The following CRYBG2 variants were observed in gnomAD, a reference collection of about 807,000 sequenced individuals.
The protein encoded by CRYBG2 is crystallin beta-gamma domain containing 2, also known as beta/gamma crystallin domain-containing protein 2.
In CRYBG2, 106 loss-of-function variants were observed where a neutral mutation model predicts 153.4. The ratio of observed to expected loss-of-function variants is 0.69; its 90% CI spans 0.59 to 0.81. The LOEUF (loss-of-function observed/expected upper bound fraction) is 0.81. Among genes scored for constraint, CRYBG2 ranks in the 30% least tolerant of loss-of-function variants. CRYBG2 has a pLI of 0.00. For missense variants in CRYBG2, 1,996 were observed against 2,112.0 expected (o/e 0.95, Z 1.08); for synonymous variants, 851 against 877.8 (o/e 0.97, Z 0.54).
chr1:26,345,009 T>C lies in CRYBG2; in HGVS notation c.1649A>G (p.Lys550Arg), dbSNP rs1171824458. ...TGAGGCAGCAGGAGCACCAGGGCCC[T>C]TCACAACCTCTTTCCAGGTGGGAAA... Reference protein sequence around the residue: ...ASFPTWKEVVKGPGAPAASSP... With the variant: ...ASFPTWKEVVRGPGAPAASSP... Residue 550 changes from lysine to arginine, a missense_variant, in exon 2 of 20, where the codon AAG (lysine) becomes AGG (arginine). Transcript: ENST00000308182. 7 of 1,220,674 alleles carry C rather than the reference T, an allele frequency of 5.7e-6. No homozygotes were observed. In the Admixed American group the frequency reaches 1.3e-4, roughly 23 times the overall value. The allele number at this position is 1,220,674 out of a possible 1,614,324, so 75.6% of individuals were successfully genotyped here.
In CRYBG2 at chr1:26,345,372, T is replaced by A; in HGVS notation, c.1286A>T (p.Asp429Val). The A allele has an allele frequency of 6.2e-7, 1 of 1,613,240 alleles. No individual in the cohort carries two copies. Among genetic ancestry groups the A allele is most frequent in the Non-Finnish European group, 8.5e-7 (1 of 1,179,802 alleles). ...AGAAAGACCTCCTGGGCTGGGGACA[T>A]CCTTCCTTCTTGTAGTGGATGGAGC... The part of the protein sequence containing the change: ...PPAPSTTRRK[D>V]VPSPGGLSAP... The change falls in exon 2 of 20, where the codon GAT becomes GTT. Residue 429 changes from aspartate (D) to valine (V), a missense_variant. By Grantham distance (152) the Asp-to-Val change is radical (BLOSUM62 -3). Transcript: ENST00000308182.
intron 5 of CRYBG2, among the ~76,000 whole-genome samples, chr1:26,340,834 C>T (rs1180221530): frequency 6.6e-6 from 1 of 151,872 alleles, no homozygotes; most frequent in Non-Finnish European, 1.5e-5. Flanking sequence ...CCAGGCTGGT[C>T]TTGAATTCCT....
chr1:26,338,301 C>G, intron 7 of CRYBG2, 50 bp downstream of exon 7: 1 of 1,539,294 alleles, frequency 6.5e-7, no homozygotes, highest in East Asian at 2.3e-5. Context: ...TACTTGGGAC[C>G]AGGGGCAGAG....
intron 6 of CRYBG2, among the ~76,000 whole-genome samples, 179 bp downstream of exon 6, chr1:26,339,111 G>A (rs11247921): frequency 6.6e-6 from 1 of 152,016 alleles, no homozygotes; most frequent in Admixed American, 6.6e-5. Flanking sequence ...TCATGGTATG[G>A]TGTTTTTCTG....
At chr1:26,350,700 G>A (rs576331152) in intron 1 of CRYBG2, among the ~76,000 whole-genome samples, 20 of 152,202 alleles carry the variant, frequency 1.3e-4, no homozygotes, top group South Asian at 1.0e-3. Flanking sequence ...CCTGGAGGGC[G>A]TCTCCACCCC....
At chr1:26,326,275 C>T (rs928760284) in intron 17 of CRYBG2, among the ~76,000 whole-genome samples, 1 of 152,084 alleles carries the variant, frequency 6.6e-6, no homozygotes, top group African/African-American at 2.4e-5. Flanking sequence ...TGGTAGCTCA[C>T]ACCTGTAAAC....
intron 1 of CRYBG2, among the ~76,000 whole-genome samples, chr1:26,349,160 C>G (rs1392762175): frequency 6.6e-6 from 1 of 151,894 alleles, no homozygotes; most frequent in Non-Finnish European, 1.5e-5. Context: ...CAGAGCGAGA[C>G]TCTGTCTCAA....
rs901650733 is a variant in CRYBG2 at position 26,322,076 on chromosome 1, T to G, written c.4898-20A>C. 1 of 1,603,132 alleles carries G rather than the reference T, an allele frequency of 6.2e-7. No homozygotes were observed. Among genetic ancestry groups the G allele is most frequent in the East Asian group, 2.2e-5 (1 of 44,562 alleles). On this transcript the variant is annotated intron_variant, in intron 19 of 19. Transcript: ENST00000308182. ...GGCCTCCTGGGGGTGGGATGGGGAT[T>G]AAAAGATAGGGAGATAGTCAGAGAG... is the stretch of plus-strand genomic sequence containing the variant.
intron 14 of CRYBG2, among the ~76,000 whole-genome samples, chr1:26,332,165 G>A (rs2074003970): frequency 6.6e-6 from 1 of 151,934 alleles, no homozygotes; most frequent in African/African-American, 2.4e-5. Context: ...AGATTAGCCA[G>A]GCGTGGTGGC....
At position 26,322,337 on chromosome 1, in the gene CRYBG2, A is replaced by T; in HGVS notation, c.4738-14T>A. On this transcript the variant is annotated splice_polypyrimidine_tract_variant and intron_variant, in intron 18 of 19. Coordinates refer to ENST00000308182, the MANE Select transcript of CRYBG2 (RefSeq NM_001039775.4). ...GGTGGGGGCCATCTGAGGCCCCAGGAGGTCATCAGGCATTGTTCCTCCCCA... is the reference window on the plus strand; with the variant it reads ...GGTGGGGGCCATCTGAGGCCCCAGGTGGTCATCAGGCATTGTTCCTCCCCA... 2 of 1,605,046 alleles carry T rather than the reference A, an allele frequency of 1.2e-6. No individual in the cohort carries two copies. Among genetic ancestry groups the T allele is most frequent in the Non-Finnish European group, 1.7e-6 (2 of 1,175,390 alleles).
chr1:26,338,515 A>G, intron 6 of CRYBG2, 38 bp from the exon 7 acceptor site: 1 of 1,555,934 alleles, frequency 6.4e-7, no homozygotes, highest in East Asian at 2.3e-5. Flanking sequence ...CCTAGCAGAG[A>G]GACTTCAAGG....
In CRYBG2 at chr1:26,326,407, G is replaced by A. The variant is rs549006149; in HGVS notation, c.4578+1802C>T. Among the ~76,000 whole-genome samples the A allele has an allele frequency of 8.6e-4, 130 of 151,728 alleles. 4 individuals are homozygous for A. The East Asian group carries it at 0.021, about 24-fold the overall frequency. On this transcript the variant is annotated intron_variant, in intron 17 of 19. Coordinates refer to ENST00000308182, the MANE Select transcript of CRYBG2 (RefSeq NM_001039775.4). Reference sequence around the variant, plus strand: ...AAAAAAATTAGCCGGGCATGGTGGCGGGTGCCTGTAGTCCCAGCTACTCAG... The same window carrying A: ...AAAAAAATTAGCCGGGCATGGTGGCAGGTGCCTGTAGTCCCAGCTACTCAG...
Position 26,322,028 on chromosome 1 carries a change from C to G in CRYBG2, c.4926G>C (p.Val1642=). ...TGTCCTCATCCGGCTCCCATAGCAC[C>G]ACGTGGTCCCGGTCGTAGCCCCGGC... The part of the protein sequence containing the change: ...KGGRGYDRDH[V]VLWEPDEDRA... Residue 1642 remains valine, a synonymous_variant, in exon 20 of 20, where the codon GTG becomes GTC. Coordinates refer to ENST00000308182, the MANE Select transcript of CRYBG2 (RefSeq NM_001039775.4). 6.2e-7 allele frequency: 1 copy of G among 1,607,190 alleles called. No homozygotes were observed. Among genetic ancestry groups the G allele is most frequent in the South Asian group, 1.1e-5 (1 of 90,858 alleles).
At chr1:26,331,117 A>G (rs1417692333) in intron 15 of CRYBG2, among the ~76,000 whole-genome samples, 2 of 152,182 alleles carry the variant, frequency 1.3e-5, no homozygotes, top group Non-Finnish European at 2.9e-5. Flanking sequence ...TCCTCCCTGC[A>G]TGGAACATCA....
intron 6 of CRYBG2, among the ~76,000 whole-genome samples, chr1:26,338,791 C>G (rs1373605217): frequency 6.6e-6 from 1 of 152,196 alleles, no homozygotes; most frequent in Non-Finnish European, 1.5e-5. Flanking sequence ...TCTTCCTTCT[C>G]CCTGGGCCTC....
In CRYBG2 at chr1:26,344,110, C is replaced by T. The variant is rs1478388537; in HGVS notation, c.2548G>A (p.Glu850Lys). The T allele has an allele frequency of 2.6e-6, 4 of 1,536,114 alleles. No individual in the cohort carries two copies. Among genetic ancestry groups the T allele is most frequent in the Non-Finnish European group, 3.5e-6 (4 of 1,146,878 alleles). ...CTGGAGGGGCTGGGCCCAGCTTTCT[C>T]CTGCCTGCGCTGGAGCTTCTCATCG... is the stretch of plus-strand genomic sequence containing the variant. Reference protein sequence around the residue: ...SDDEKLQRRQEKAGPSPSRDL... With the variant: ...SDDEKLQRRQKKAGPSPSRDL... Residue 850 changes from glutamate to lysine, a missense_variant, in exon 2 of 20, where the codon GAG (glutamate) becomes AAG (lysine). Glu to Lys is a moderately conservative substitution (Grantham distance 56, BLOSUM62 1). Transcript: ENST00000308182.
intron 15 of CRYBG2, 84 bp downstream of exon 15, chr1:26,331,405 C>A: frequency 1.3e-6 from 2 of 1,546,270 alleles, no homozygotes; most frequent in South Asian, 1.2e-5. Context: ...AACCCCTGCA[C>A]CAGCACACAG....
Position 26,325,328 on chromosome 1 carries a change from C to A in CRYBG2, c.4579-1018G>T, listed in dbSNP as rs12142935. ...ATCCCAGCACTTTGGGAGGCCAAGG[C>A]GGGTGGATCACCTGAGGTCAGGAGT... On this transcript the variant is annotated intron_variant, in intron 17 of 19. Transcript: ENST00000308182. This position sits in a 1 kb window ranked among gnomAD's most constrained non-coding sequence, Gnocchi z 4.1. 6.6e-6 allele frequency among the ~76,000 whole-genome samples: 1 copy of A among 152,208 alleles called. No homozygotes were observed. The highest frequency in any genetic ancestry group is 1.5e-5 in the Non-Finnish European group (1 of 68,042).
Position 26,346,593 on chromosome 1 carries a change from CA to C in CRYBG2, c.64del (p.Trp22GlyfsTer55), listed in dbSNP as rs2074225267. 1 of 1,590,366 alleles carries C rather than the reference CA, an allele frequency of 6.3e-7. No homozygotes were observed. The highest frequency in any genetic ancestry group is 1.3e-5 in the African/African-American group (1 of 74,416). ...KARVVSATLTWRQRPPTQEEI... is the reference protein window; with the variant it reads ...KARVVSATLTXRQRPPTQEEI... ...TTCCTGGGTGGGGGGCCGCTGCCGCCATGTCAATGTGGCACTTACCACTCGG... is the reference window on the plus strand; with the variant it reads ...TTCCTGGGTGGGGGGCCGCTGCCGCCTGTCAATGTGGCACTTACCACTCGG... On this transcript the variant is annotated frameshift_variant, in exon 2 of 20. Coordinates refer to ENST00000308182, the MANE Select transcript of CRYBG2 (RefSeq NM_001039775.4). LOFTEE classifies it high-confidence loss of function. This position sits in a 1 kb window ranked among gnomAD's most constrained non-coding sequence, Gnocchi z 4.9.
Sources: gnomAD v4.1 joint callset for allele counts (sites outside exome capture counted in the v4.1 genomes callset) on GRCh38, gnomAD v4.1.1 for gene constraint, Gnocchi (gnomAD v3.1) non-coding constraint, MANE v1.5 for transcripts, NCBI Gene and HGNC (gene_info 2026-07-23, HGNC 2026-07-21) for gene names.